The following MEGF10 variants were observed in gnomAD, a reference collection of about 807,000 sequenced individuals.
MEGF10 encodes multiple EGF like domains 10.
A neutral mutation model predicts 147.5 loss-of-function variants in MEGF10; 86 were observed. The ratio of observed to expected loss-of-function variants is 0.58; its 90% CI spans 0.49 to 0.70. The LOEUF is 0.70. MEGF10 is among the 30% of genes least tolerant of loss of function. The pLI is 0.00. For missense variants in MEGF10, 1,329 were observed against 1,487.3 expected, an observed-to-expected ratio of 0.89 and a Z score of 1.75; for synonymous variants, 478 against 525.5, an observed-to-expected ratio of 0.91 and a Z score of 1.24.
At chr5:127,310,716 G>C (rs1258672652) in intron 1 of MEGF10, among the ~76,000 whole-genome samples, 3 of 152,104 alleles carry the variant, frequency 2.0e-5, no homozygotes, top group Non-Finnish European at 2.9e-5. Context: ...TGGATAAAAA[G>C]AAAAGAGGGA....
At chr5:127,343,111 TTG>T (rs1168977579) in intron 4 of MEGF10, among the ~76,000 whole-genome samples, 2 of 152,186 alleles carry the variant, frequency 1.3e-5, no homozygotes, top group Admixed American at 6.5e-5. Context: ...TGATTCTTGT[TTG>T]TGTTTTCATA....
intron 5 of MEGF10, among the ~76,000 whole-genome samples, chr5:127,380,886 A>G (rs1052688053): frequency 1.3e-5 from 2 of 152,210 alleles, no homozygotes; most frequent in African/African-American, 4.8e-5. Flanking sequence ...ATGAAATTAT[A>G]GAAGTCAGGC....
At chr5:127,253,481 T>C in the MEGF10 span, among the ~76,000 whole-genome samples, 1 of 151,954 alleles carries the variant, frequency 6.6e-6, no homozygotes, top group Admixed American at 6.6e-5. Flanking sequence ...ATAAAAGAAA[T>C]GTCATATACA....
Position 127,356,783 on chromosome 5 carries a change from C to T in MEGF10, c.320-13127C>T, listed in dbSNP as rs188063963. ...TATGGAATACTCATCCTGCAGAATT[C>T]ACTGTTGCATTATCCAGTTAGTTTG... On this transcript the variant is annotated intron_variant, in intron 4 of 24. Coordinates refer to ENST00000503335, the MANE Select transcript of MEGF10 (RefSeq NM_001256545.2). 2.3e-3 allele frequency among the ~76,000 whole-genome samples: 345 copies of T among 152,252 alleles called. 4 individuals carry two copies. In the Middle Eastern group the frequency reaches 0.071, roughly 32 times the overall value.
intron 1 of MEGF10, among the ~76,000 whole-genome samples, chr5:127,291,650 G>C (rs1241694463): frequency 6.6e-6 from 1 of 152,204 alleles, no homozygotes; most frequent in Non-Finnish European, 1.5e-5. Context: ...TCCTTAAGGA[G>C]TGCTGGGAGG....
chr5:127,348,366 G>A (rs760702288), intron 4 of MEGF10, among the ~76,000 whole-genome samples: 4 of 152,092 alleles, frequency 2.6e-5, no homozygotes, highest in East Asian at 1.9e-4. Context: ...AACACATGTA[G>A]CTATTTTAAA....
intron 1 of MEGF10, among the ~76,000 whole-genome samples, chr5:127,309,583 G>A (rs1409755771): frequency 2.6e-5 from 4 of 152,146 alleles, no homozygotes; most frequent in African/African-American, 9.7e-5. Context: ...TAGAAATAAT[G>A]TCCTCAAAGT....
At chr5:127,268,281 G>C in the MEGF10 span, among the ~76,000 whole-genome samples, 1 of 152,200 alleles carries the variant, frequency 6.6e-6, no homozygotes, top group African/African-American at 2.4e-5. Flanking sequence ...TGGTCTGAGA[G>C]ACAGTTTGTT....
intron 5 of MEGF10, among the ~76,000 whole-genome samples, chr5:127,378,575 C>T (rs1763123477): frequency 6.6e-6 from 1 of 152,158 alleles, no homozygotes; most frequent in African/African-American, 2.4e-5. Context: ...ACCTCAGCCT[C>T]CCGAGTAGCT....
chr5:127,382,292 A>G (rs35529), intron 5 of MEGF10, among the ~76,000 whole-genome samples: 113,363 of 152,074 alleles, frequency 0.75, 42,796 homozygotes, highest in Middle Eastern at 0.86. Flanking sequence ...ATTCCAGTAG[A>G]ACAAATAGTA....
chr5:127,353,874 T>C (rs879447960), intron 4 of MEGF10, among the ~76,000 whole-genome samples: 6 of 152,220 alleles, frequency 3.9e-5, no homozygotes, highest in Non-Finnish European at 5.9e-5. Context: ...TAACTCACTT[T>C]ATTGCCTGGC....
At chr5:127,412,161 A>G (rs887727135) in intron 9 of MEGF10, among the ~76,000 whole-genome samples, 3 of 152,246 alleles carry the variant, frequency 2.0e-5, no homozygotes, top group African/African-American at 7.2e-5. Flanking sequence ...TTTGACAATT[A>G]CATAGATCAA....
chr5:127,411,216 A>G (rs567593111), intron 9 of MEGF10, among the ~76,000 whole-genome samples: 1 of 152,192 alleles, frequency 6.6e-6, no homozygotes, highest in African/African-American at 2.4e-5. Context: ...TACCCACCCT[A>G]CTGTACCTTG....
intron 20 of MEGF10, among the ~76,000 whole-genome samples, chr5:127,446,655 G>A (rs1276160797): frequency 6.6e-6 from 1 of 152,210 alleles, no homozygotes; most frequent in Non-Finnish European, 1.5e-5. Context: ...GTGCAGTTCA[G>A]AGAACAAAGG....
chr5:127,442,885 C>T (rs1210405646), intron 18 of MEGF10, 113 bp from the exon 19 acceptor site: 2 of 1,137,656 alleles, frequency 1.8e-6, no homozygotes, highest in South Asian at 1.6e-5. Context: ...AAGTCAGCCT[C>T]AATAGGAATC....
chr5:127,406,108 C>T (rs1446888799), intron 8 of MEGF10, among the ~76,000 whole-genome samples: 1 of 152,046 alleles, frequency 6.6e-6, no homozygotes, highest in Non-Finnish European at 1.5e-5. Context: ...TTTTAGGCCA[C>T]TAAAATGGCA....
intron 19 of MEGF10, chr5:127,445,177 C>T (rs1765896625): frequency 2.4e-6 from 1 of 419,194 alleles, no homozygotes; most frequent in Non-Finnish European, 4.4e-6. Flanking sequence ...ATCAGTTCTC[C>T]CGCCTCAGTC....
the MEGF10 span, among the ~76,000 whole-genome samples, chr5:127,274,025 T>G: frequency 6.6e-6 from 1 of 152,204 alleles, no homozygotes; most frequent in African/African-American, 2.4e-5. Context: ...TGTAGAAAAT[T>G]CCACTGGACA....
At chr5:127,398,191 C>T (rs377044855) in intron 6 of MEGF10, among the ~76,000 whole-genome samples, 1 of 151,720 alleles carries the variant, frequency 6.6e-6, no homozygotes, top group Non-Finnish European at 1.5e-5. Flanking sequence ...ATGTAACAAA[C>T]CTGCATATTC....
Sources: gnomAD v4.1 joint callset for allele counts (sites outside exome capture counted in the v4.1 genomes callset) on GRCh38, gnomAD v4.1.1 for gene constraint, MANE v1.5 for transcripts, NCBI Gene and HGNC (gene_info 2026-07-23, HGNC 2026-07-21) for gene names.